The following MATN2 variants were observed in gnomAD, a reference collection of about 807,000 sequenced individuals.
MATN2 encodes matrilin 2.
A neutral mutation model predicts 103.2 loss-of-function variants in MATN2; 69 were observed. The observed-to-expected ratio is 0.67, with a 90% CI of 0.55 to 0.82. The LOEUF is 0.82. Among genes scored for constraint, MATN2 ranks in the 40% least tolerant of loss-of-function variants. MATN2 has a pLI of 0.00. For missense variants in MATN2, 1,023 were observed against 1,211.5 expected (o/e 0.84, Z 2.31); for synonymous variants, 429 against 450.2 (o/e 0.95, Z 0.60).
chr8:97,896,967 A>C (rs1193403050), intron 2 of MATN2, among the ~76,000 whole-genome samples: 2 of 100,430 alleles, frequency 2.0e-5, no homozygotes, highest in African/African-American at 3.9e-5. Flanking sequence ...GCATTGGGAT[A>C]TGGCAACATG....
chr8:97,935,930 T>G (rs1475871655), intron 3 of MATN2, among the ~76,000 whole-genome samples: 1 of 152,246 alleles, frequency 6.6e-6, no homozygotes, highest in African/African-American at 2.4e-5. Flanking sequence ...TTGATTAGAC[T>G]CTGCAGCCAG....
At chr8:97,978,632 C>T (rs189125956) in intron 5 of MATN2, among the ~76,000 whole-genome samples, 9 of 152,268 alleles carry the variant, frequency 5.9e-5, no homozygotes, top group Admixed American at 5.9e-4. Context: ...ATTTGCAATT[C>T]TTTAACTTTT....
intron 1 of MATN2, among the ~76,000 whole-genome samples, chr8:97,869,836 A>G (rs1817833625): frequency 6.6e-6 from 1 of 152,212 alleles, no homozygotes; most frequent in Non-Finnish European, 1.5e-5. Context: ...TAGAAACCCC[A>G]GAACAATTTG....
intron 4 of MATN2, among the ~76,000 whole-genome samples, chr8:97,953,469 T>C (rs922456946): frequency 2.6e-5 from 4 of 152,266 alleles, no homozygotes; most frequent in Admixed American, 6.5e-5. Context: ...GGTGAAACCC[T>C]GTCTCTACAA....
At chr8:97,885,249 C>T (rs567099050) in intron 1 of MATN2, among the ~76,000 whole-genome samples, 4 of 152,228 alleles carry the variant, frequency 2.6e-5, no homozygotes, top group East Asian at 1.9e-4. Flanking sequence ...TTTATCTGCT[C>T]GGTTTGGAGA....
chr8:98,007,393 C>G lies in MATN2; in HGVS notation c.1451-86C>G. 1.3e-6 allele frequency: 2 copies of G among 1,563,010 alleles called. No individual in the cohort carries two copies. Among genetic ancestry groups the G allele is most frequent in the Non-Finnish European group, 1.7e-6 (2 of 1,144,528 alleles). On this transcript the variant is annotated intron_variant, in intron 9 of 18. Coordinates refer to ENST00000254898, the MANE Select transcript of MATN2 (RefSeq NM_002380.5). The surrounding 1 kb of genome is among the most constrained non-coding windows in gnomAD (Gnocchi z 4.2). ...GGGACTGCATGCCTTCGAGGGAGGGCGGGGTGAGCATGACGGTCACTTGAT... is the reference window on the plus strand; with the variant it reads ...GGGACTGCATGCCTTCGAGGGAGGGGGGGGTGAGCATGACGGTCACTTGAT...
intron 5 of MATN2, among the ~76,000 whole-genome samples, chr8:97,967,244 T>A (rs1444684117): frequency 2.0e-5 from 3 of 152,116 alleles, no homozygotes; most frequent in Admixed American, 6.5e-5. Context: ...TTGGAGGCAA[T>A]AAGCATCCAA....
intron 2 of MATN2, among the ~76,000 whole-genome samples, chr8:97,921,138 G>A (rs1419135146): frequency 2.6e-5 from 4 of 152,192 alleles, no homozygotes; most frequent in Admixed American, 1.3e-4. Flanking sequence ...GGGCCTGTCT[G>A]TGTTACTCAG....
chr8:98,009,589 A>C (rs1813090032), intron 10 of MATN2, among the ~76,000 whole-genome samples: 1 of 152,064 alleles, frequency 6.6e-6, no homozygotes, highest in African/African-American at 2.4e-5. Flanking sequence ...CTGTGCCCCT[A>C]CCTCTTCAGG....
At chr8:98,022,513 G>A (rs559532816) in intron 13 of MATN2, among the ~76,000 whole-genome samples, 1 of 152,078 alleles carries the variant, frequency 6.6e-6, no homozygotes, top group Non-Finnish European at 1.5e-5. Context: ...ATTATGTTAA[G>A]CAGAAAAAAA....
intron 2 of MATN2, among the ~76,000 whole-genome samples, chr8:97,928,746 G>A (rs927806382): frequency 3.9e-5 from 6 of 152,142 alleles, no homozygotes; most frequent in African/African-American, 4.8e-5. Flanking sequence ...AGCACACGTC[G>A]GGAGTTCCCA....
At chr8:98,029,244 A>G (rs1182132357) in intron 14 of MATN2, among the ~76,000 whole-genome samples, 1 of 152,198 alleles carries the variant, frequency 6.6e-6, no homozygotes, top group Non-Finnish European at 1.5e-5. Context: ...ATCTGGATAG[A>G]TTGTAAAACT....
At chr8:97,999,293 T>G (rs1812705037) in intron 7 of MATN2, among the ~76,000 whole-genome samples, 1 of 152,266 alleles carries the variant, frequency 6.6e-6, no homozygotes, top group Non-Finnish European at 1.5e-5. Context: ...AATGCAGCTA[T>G]GAACTTGGGT....
chr8:97,992,235 G>C (rs1812416529), intron 6 of MATN2, among the ~76,000 whole-genome samples: 1 of 152,176 alleles, frequency 6.6e-6, no homozygotes, highest in African/African-American at 2.4e-5. Flanking sequence ...GTAATCACAG[G>C]AATGGGGTAA....
intron 10 of MATN2, among the ~76,000 whole-genome samples, chr8:98,012,210 T>C (rs1813190485): frequency 6.6e-6 from 1 of 152,106 alleles, no homozygotes; most frequent in Admixed American, 6.6e-5. Flanking sequence ...GTACCTGCAT[T>C]GTGCGGGGTG....
chr8:97,994,993 G>A (rs1316090855), intron 7 of MATN2, among the ~76,000 whole-genome samples: 4 of 152,204 alleles, frequency 2.6e-5, no homozygotes, highest in African/African-American at 9.7e-5. Flanking sequence ...GATGCTAAGA[G>A]GGAGGACATT....
intron 4 of MATN2, chr8:97,951,878 GAAAA>G (rs936219891): frequency 6.6e-6 from 1 of 151,966 alleles, no homozygotes; most frequent in Non-Finnish European, 1.5e-5. Flanking sequence ...AGAATTGATT[GAAAA>G]AAAATTCAAC....
chr8:98,026,396 G>A (rs1045130033), intron 13 of MATN2, among the ~76,000 whole-genome samples: 1 of 151,854 alleles, frequency 6.6e-6, no homozygotes, highest in Non-Finnish European at 1.5e-5. Context: ...AGTAGCTAGG[G>A]CTACAGGCAT....
intron 7 of MATN2, among the ~76,000 whole-genome samples, chr8:97,994,937 A>G (rs886267093): frequency 6.6e-6 from 1 of 152,216 alleles, no homozygotes; most frequent in African/African-American, 2.4e-5. Context: ...GATGAGAGGT[A>G]GAAGGAGTTG....
Sources: gnomAD v4.1 joint callset for allele counts (sites outside exome capture counted in the v4.1 genomes callset) on GRCh38, gnomAD v4.1.1 for gene constraint, Gnocchi (gnomAD v3.1) non-coding constraint, MANE v1.5 for transcripts, NCBI Gene and HGNC (gene_info 2026-07-23, HGNC 2026-07-21) for gene names.